Variants in ZNF248 observed in about 807,000 individuals in gnomAD.
ZNF248 encodes the protein KRAB protein domain.
A neutral mutation model predicts 44.3 loss-of-function variants in ZNF248; 20 were observed. The observed-to-expected ratio is 0.45, with a 90% confidence interval of 0.32 to 0.66. The LOEUF (loss-of-function observed/expected upper bound fraction) is 0.66. Ranked by LOEUF, ZNF248 falls within the 30% of genes least tolerant of loss-of-function variation. ZNF248 has a pLI of 0.04. For missense variants in ZNF248, 654 were observed against 677.0 expected (o/e 0.97, Z 0.38); for synonymous variants, 224 against 229.0 (o/e 0.98, Z 0.20).
chr10:37,779,254 T>A (rs907301147), intron 6 of ZNF248, among the ~76,000 whole-genome samples: 25 of 152,226 alleles, frequency 1.6e-4, no homozygotes, highest in Non-Finnish European at 2.2e-4. Flanking sequence ...ACATTGATGC[T>A]AAAATCCTCA....
intron 6 of ZNF248, chr10:37,796,061 A>C (rs1311249278): frequency 6.6e-6 from 1 of 152,174 alleles, no homozygotes. Context: ...CATTTCTCTC[A>C]GGAAGAAAAT....
At chr10:37,790,105 CAAA>C (rs35795208) in intron 6 of ZNF248, among the ~76,000 whole-genome samples, 6 of 123,074 alleles carry the variant, frequency 4.9e-5, no homozygotes, top group Admixed American at 1.7e-4. Flanking sequence ...ACTGAAAATA[CAAA>C]AAAAAAAAAA....
At chr10:37,818,365 A>G (rs933510238) in intron 6 of ZNF248, among the ~76,000 whole-genome samples, 16 of 152,138 alleles carry the variant, frequency 1.1e-4, no homozygotes, top group Non-Finnish European at 2.2e-4. Context: ...CACAGTGGCC[A>G]TTGACGCCAG....
Position 37,832,418 on chromosome 10 carries a change from T to C in ZNF248, c.937A>G (p.Ile313Val), listed in dbSNP as rs1268365595. ...GEIFCDNSAFIIHQGAYTRKI... is the reference protein window; with the variant it reads ...GEIFCDNSAFVIHQGAYTRKI... ...CTTGTGTAAGCTCCCTGATGGATAA[T>C]GAAAGCTGAATTGTCACAGAAGATT... The change falls in exon 6 of 6, where the codon ATT becomes GTT. Residue 313 changes from isoleucine to valine, a missense_variant. Ile to Val is a conservative substitution (Grantham distance 29). Transcript: ENST00000395867. 4 of 1,613,922 alleles carry C rather than the reference T, an allele frequency of 2.5e-6. No individual in the cohort carries two copies. The highest frequency in any genetic ancestry group is 2.5e-6 in the Non-Finnish European group (3 of 1,179,968).
intron 6 of ZNF248, among the ~76,000 whole-genome samples, chr10:37,789,739 G>C (rs2048287370): frequency 6.6e-6 from 1 of 152,162 alleles, no homozygotes; most frequent in Non-Finnish European, 1.5e-5. Flanking sequence ...GAGAAGCCTA[G>C]AGGAACAGGA....
chr10:37,852,950 C>G (rs1362474547), intron 3 of ZNF248, among the ~76,000 whole-genome samples: 2 of 151,932 alleles, frequency 1.3e-5, no homozygotes, highest in Admixed American at 1.3e-4. Context: ...CAACCTCTGC[C>G]TCCTGGGTTC....
At chr10:37,839,923 T>A (rs2058025979) in intron 3 of ZNF248, among the ~76,000 whole-genome samples, 1 of 152,182 alleles carries the variant, frequency 6.6e-6, no homozygotes, top group African/African-American at 2.4e-5. Context: ...CAGAACATAT[T>A]TTGGGCCATA....
intron 6 of ZNF248, among the ~76,000 whole-genome samples, chr10:37,814,131 T>C (rs1014272198): frequency 1.3e-5 from 2 of 152,224 alleles, no homozygotes; most frequent in African/African-American, 4.8e-5. Context: ...TAGTAGATTT[T>C]TGCTAGTAAA....
the ZNF248 span, among the ~76,000 whole-genome samples, chr10:37,768,696 G>A: frequency 9.4e-3 from 1,427 of 152,050 alleles, 10 homozygotes; most frequent in African/African-American, 0.026. Flanking sequence ...ACACCCTAAC[G>A]TCACAATTAA....
At chr10:37,820,896 G>T in intron 6 of ZNF248, 1 of 1,415,418 alleles carries the variant, frequency 7.1e-7, no homozygotes, top group Non-Finnish European at 1.0e-6. Context: ...TCCTCTTCTA[G>T]TTTTCCTTAC....
chr10:37,845,907 C>A (rs1325455457), intron 3 of ZNF248, among the ~76,000 whole-genome samples: 1 of 152,028 alleles, frequency 6.6e-6, no homozygotes, highest in African/African-American at 2.4e-5. Flanking sequence ...AATAAAATAC[C>A]AAGTCTCAGG....
chr10:37,777,982 G>A lies in ZNF248; in HGVS notation c.331-1407C>T, dbSNP rs1167781259. Among the ~76,000 whole-genome samples the A allele has an allele frequency of 3.3e-5, 5 of 151,806 alleles. No homozygotes were observed. The East Asian group carries it at 9.7e-4, about 29-fold the overall frequency. On this transcript the variant is annotated intron_variant, in intron 6 of 6. Transcript: ENST00000615949. ...CCAAGTCTTTGCTATTGTGAATAGT[G>A]CTGCAATAAACATACGTGTGCATGT...
intron 6 of ZNF248, chr10:37,819,727 T>A (rs761108521): frequency 6.1e-5 from 48 of 782,182 alleles, no homozygotes; most frequent in Non-Finnish European, 1.0e-4. Context: ...ATTCTGCTAA[T>A]GTTAACGTTT....
chr10:37,818,995 G>A (rs552539616), intron 6 of ZNF248: 9 of 945,536 alleles, frequency 9.5e-6, no homozygotes, highest in East Asian at 2.4e-5. Flanking sequence ...GTGTTAAATT[G>A]CAATAAGTGC....
At chr10:37,818,181 G>A (rs2052850964) in intron 6 of ZNF248, among the ~76,000 whole-genome samples, 1 of 152,144 alleles carries the variant, frequency 6.6e-6, no homozygotes, top group Non-Finnish European at 1.5e-5. Flanking sequence ...CTCCCAAAGT[G>A]CTGAGATTAC....
At position 37,831,063 on chromosome 10, in the gene ZNF248, CAT is replaced by C. The variant is rs773763879; in HGVS notation, c.*550_*551del. 3.7e-5 allele frequency: 47 copies of C among 1,255,830 alleles called. No homozygotes were observed. Among genetic ancestry groups the C allele is most frequent in the Non-Finnish European group, 4.7e-5 (45 of 966,204 alleles). 77.8% of individuals were successfully genotyped at this position (1,255,830 alleles called of 1,614,324 possible). A position where few individuals can be genotyped will look rare whatever the true frequency, so the allele number is the denominator to read the frequency against. Reference sequence around the variant, plus strand: ...ATACACACAAACATATGTACATACACATATATAATTATGTCAACCTATAAAGA... The same window carrying C: ...ATACACACAAACATATGTACATACACATATAATTATGTCAACCTATAAAGA... On this transcript the variant is annotated 3_prime_UTR_variant, in exon 6 of 6. Coordinates refer to ENST00000395867, the MANE Select transcript of ZNF248 (RefSeq NM_021045.3).
chr10:37,767,832 A>T, the ZNF248 span, among the ~76,000 whole-genome samples: 51 of 152,348 alleles, frequency 3.3e-4, 2 homozygotes, highest in South Asian at 0.01. Flanking sequence ...CAGACTGGCA[A>T]ATTGGATAAA....
chr10:37,774,020 C>A (rs1048815176), downstream of ZNF248, among the ~76,000 whole-genome samples: 1 of 152,214 alleles, frequency 6.6e-6, no homozygotes, highest in African/African-American at 2.4e-5. Context: ...CAGGCACATG[C>A]ACCCATATCC....
At chr10:37,837,030 C>G (rs986043665) in intron 5 of ZNF248, among the ~76,000 whole-genome samples, 1 of 150,366 alleles carries the variant, frequency 6.7e-6, no homozygotes, top group African/African-American at 2.4e-5. Context: ...GAAAACATAT[C>G]TAAAATGAAG....
Sources: allele counts gnomAD v4.1 joint callset (sites outside exome capture counted in the v4.1 genomes callset), GRCh38; gene constraint gnomAD v4.1.1; transcripts MANE v1.5; gene names NCBI Gene and HGNC (gene_info 2026-07-23, HGNC 2026-07-21).